Variants in TGFB2 observed in about 807,000 individuals in gnomAD.
The protein encoded by TGFB2 is transforming growth factor beta 2, also known as transforming growth factor beta-2 proprotein.
Under a neutral mutation model 42.7 loss-of-function variants are expected in TGFB2, and 13 were observed. That is an observed-to-expected ratio of 0.30 (90% CI 0.20 to 0.48). The LOEUF is 0.48. TGFB2 is among the 20% of genes least tolerant of loss of function. The pLI is 0.99. For synonymous variants in TGFB2, 193 were observed against 193.6 expected (o/e 1.00, Z 0.03); for missense variants, 390 against 517.5 (o/e 0.75, Z 2.39).
intron 1 of TGFB2, among the ~76,000 whole-genome samples, chr1:218,352,064 C>A (rs1656884250): frequency 6.6e-6 from 1 of 152,104 alleles, no homozygotes; most frequent in Non-Finnish European, 1.5e-5. Context: ...AGGGTCACCA[C>A]TGGAGTGGGA....
intron 1 of TGFB2, among the ~76,000 whole-genome samples, chr1:218,402,876 G>C (rs542234069): frequency 6.6e-6 from 1 of 152,236 alleles, no homozygotes; most frequent in African/African-American, 2.4e-5. Context: ...TGGCCAAGAC[G>C]GTGTGCAATG....
At chr1:218,353,783 G>A (rs1656942679) in intron 1 of TGFB2, among the ~76,000 whole-genome samples, 1 of 152,136 alleles carries the variant, frequency 6.6e-6, no homozygotes, top group Non-Finnish European at 1.5e-5. Flanking sequence ...CTAGCTACTT[G>A]GGCGGCTGAA....
intron 1 of TGFB2, among the ~76,000 whole-genome samples, chr1:218,377,536 C>G (rs1363433748): frequency 6.6e-6 from 1 of 152,162 alleles, no homozygotes; most frequent in Non-Finnish European, 1.5e-5. Context: ...AGCTCCACCC[C>G]CAAATCAGCA....
chr1:218,420,754 A>G (rs1325443871), intron 2 of TGFB2, among the ~76,000 whole-genome samples: 1 of 152,194 alleles, frequency 6.6e-6, no homozygotes. Flanking sequence ...TGTATAATAC[A>G]GGTGTATATC....
chr1:218,379,150 A>T lies in TGFB2; in HGVS notation c.347-26019A>T, dbSNP rs1429911666. On this transcript the variant is annotated intron_variant, in intron 1 of 6. Transcript: ENST00000366930. ...TCTTTCTTTTTTTTTTTTCTTTTTT[A>T]GAGACGGAGTCTCACTCTGTCACCC... 5.2e-3 allele frequency among the ~76,000 whole-genome samples: 381 copies of T among 72,614 alleles called. 3 individuals are homozygous for T. Among genetic ancestry groups the T allele is most frequent in the African/African-American group, 0.018 (344 of 18,962 alleles). The allele number at this position is 72,614 out of a possible 152,430, so 47.6% of individuals were successfully genotyped here.
chr1:218,426,891 C>T (rs932279634), intron 2 of TGFB2, among the ~76,000 whole-genome samples: 1 of 152,180 alleles, frequency 6.6e-6, no homozygotes, highest in Admixed American at 6.5e-5. Flanking sequence ...TTTTCTTTGA[C>T]ATGGATGTGC....
intron 2 of TGFB2, among the ~76,000 whole-genome samples, chr1:218,407,082 A>G (rs976415329): frequency 7.2e-5 from 11 of 152,224 alleles, no homozygotes; most frequent in Admixed American, 2.0e-4. Context: ...AAAATACTTA[A>G]AGCAGTCATT....
At chr1:218,403,251 G>A (rs1658791834) in intron 1 of TGFB2, among the ~76,000 whole-genome samples, 1 of 152,038 alleles carries the variant, frequency 6.6e-6, no homozygotes, top group Admixed American at 6.6e-5. Context: ...TGACTCCTGG[G>A]TTATAAAGCC....
rs556384770 is a variant in TGFB2 at position 218,355,155 on chromosome 1, C to T, written c.346+8108C>T. Reference sequence around the variant, plus strand: ...TCTCAAGTGATCCATCCGCCTCGGTCTCCCAAAGTGCTGGGATTATAGGCC... The same window carrying T: ...TCTCAAGTGATCCATCCGCCTCGGTTTCCCAAAGTGCTGGGATTATAGGCC... On this transcript the variant is annotated intron_variant, in intron 1 of 6. Coordinates refer to ENST00000366930, the MANE Select transcript of TGFB2 (RefSeq NM_003238.6). Among the ~76,000 whole-genome samples the T allele has an allele frequency of 4.8e-4, 73 of 152,336 alleles. No individual in the cohort carries two copies. In the South Asian group the frequency reaches 8.1e-3, roughly 17 times the overall value.
intron 1 of TGFB2, among the ~76,000 whole-genome samples, chr1:218,402,647 T>A (rs1658765334): frequency 6.6e-6 from 1 of 152,134 alleles, no homozygotes; most frequent in Admixed American, 6.5e-5. Context: ...GGCAGGCGTG[T>A]GTGAAAGATG....
At chr1:218,401,334 T>C (rs1198323992) in intron 1 of TGFB2, among the ~76,000 whole-genome samples, 1 of 152,184 alleles carries the variant, frequency 6.6e-6, no homozygotes, top group Non-Finnish European at 1.5e-5. Context: ...CAGGTTTTTT[T>C]TCTCTCCCTT....
intron 1 of TGFB2, among the ~76,000 whole-genome samples, chr1:218,367,962 C>T (rs2102550884): frequency 6.6e-6 from 1 of 152,182 alleles, no homozygotes; most frequent in Non-Finnish European, 1.5e-5. Context: ...GCCGCCACTC[C>T]CAGCTAATTT....
intron 1 of TGFB2, among the ~76,000 whole-genome samples, chr1:218,361,272 C>T (rs1657201671): frequency 6.6e-6 from 1 of 152,192 alleles, no homozygotes; most frequent in Admixed American, 6.5e-5. Flanking sequence ...AGCACCAGAG[C>T]TCCCTGTCCT....
At chr1:218,375,976 G>C in intron 1 of TGFB2, among the ~76,000 whole-genome samples, 1 of 152,166 alleles carries the variant, frequency 6.6e-6, no homozygotes, top group East Asian at 1.9e-4. Context: ...TGAATGTATA[G>C]AATCAAAGGG....
rs1275096828 is a variant in TGFB2 at position 218,346,045 on chromosome 1, C to A, written c.-657C>A. Among the ~76,000 whole-genome samples, 1 of 149,130 alleles carries A rather than the reference C, an allele frequency of 6.7e-6. No homozygotes were observed. The highest frequency in any genetic ancestry group is 2.6e-5 in the African/African-American group (1 of 39,156). On this transcript the variant is annotated 5_prime_UTR_variant, in exon 1 of 7. Transcript: ENST00000366930. The surrounding 1 kb of genome is among the most constrained non-coding windows in gnomAD (Gnocchi z 4.9). ...CGCGGTGCGCTGGGCTCGCCCCCAG[C>A]GCGCGCACACGCACACACACACACA...
chr1:218,440,317 G>A (rs1317326767), intron 6 of TGFB2, among the ~76,000 whole-genome samples: 2 of 150,240 alleles, frequency 1.3e-5, no homozygotes, highest in Non-Finnish European at 3.0e-5. Context: ...GCATCACTGT[G>A]TTTATGAAGC....
chr1:218,434,717 A>C (rs1659917079), intron 4 of TGFB2, among the ~76,000 whole-genome samples: 1 of 152,226 alleles, frequency 6.6e-6, no homozygotes, highest in Admixed American at 6.5e-5. Context: ...TAGTAAGTTA[A>C]GGCCTTTGTT....
intron 2 of TGFB2, among the ~76,000 whole-genome samples, chr1:218,419,685 C>G (rs986607216): frequency 6.6e-6 from 1 of 152,130 alleles, no homozygotes; most frequent in South Asian, 2.1e-4. Context: ...AGAAACATCA[C>G]TCATTTATTC....
chr1:218,397,745 T>A (rs1454237222), intron 1 of TGFB2, among the ~76,000 whole-genome samples: 2 of 152,170 alleles, frequency 1.3e-5, no homozygotes, highest in Admixed American at 1.3e-4. Flanking sequence ...TTATATAGGA[T>A]CCATATATCC....
Sources: allele counts gnomAD v4.1 joint callset (sites outside exome capture counted in the v4.1 genomes callset), GRCh38; gene constraint gnomAD v4.1.1; non-coding constraint Gnocchi (gnomAD v3.1); transcripts MANE v1.5; gene names NCBI Gene and HGNC (gene_info 2026-07-23, HGNC 2026-07-21).